The following MAGI2 variants were observed in gnomAD, a reference collection of about 807,000 sequenced individuals.
The protein encoded by MAGI2 is membrane associated guanylate kinase, WW and PDZ domain containing 2.
Under a neutral mutation model 133.3 loss-of-function variants are expected in MAGI2, and 35 were observed. That is an observed-to-expected ratio of 0.26 (90% CI 0.20 to 0.35). The LOEUF is 0.35. MAGI2 is among the 10% of genes least tolerant of loss of function. MAGI2 has a pLI of 1.00. For synonymous variants in MAGI2, 729 were observed against 710.6 expected (o/e 1.03, Z -0.41); for missense variants, 1,636 against 1,863.4 (o/e 0.88, Z 2.25).
chr7:78,973,080 T>C (rs1803929186), intron 2 of MAGI2, among the ~76,000 whole-genome samples: 1 of 151,920 alleles, frequency 6.6e-6, no homozygotes. Flanking sequence ...TTTATAATTC[T>C]AATTAAACAA....
chr7:78,708,699 C>T (rs1374899273), intron 2 of MAGI2, among the ~76,000 whole-genome samples: 1 of 152,100 alleles, frequency 6.6e-6, no homozygotes, highest in Admixed American at 6.6e-5. Context: ...ACAATAACTG[C>T]TACTTATTGA....
intron 20 of MAGI2, among the ~76,000 whole-genome samples, chr7:78,117,537 G>T (rs1819995275): frequency 6.6e-6 from 1 of 151,966 alleles, no homozygotes; most frequent in South Asian, 2.1e-4. Context: ...TTAATCTGTT[G>T]AAGGTTATCT....
chr7:78,970,631 A>G (rs186014335), intron 2 of MAGI2, among the ~76,000 whole-genome samples: 1 of 152,084 alleles, frequency 6.6e-6, no homozygotes, highest in Non-Finnish European at 1.5e-5. Context: ...GACTAAAGAA[A>G]TAGTTCATAA....
intron 20 of MAGI2, among the ~76,000 whole-genome samples, chr7:78,080,176 C>T (rs868292870): frequency 3.3e-5 from 5 of 152,148 alleles, no homozygotes; most frequent in African/African-American, 7.2e-5. Context: ...CCCCCAAAGT[C>T]GGGGGGAAGA....
chr7:79,138,268 A>T (rs946927135), intron 1 of MAGI2, among the ~76,000 whole-genome samples: 1 of 152,236 alleles, frequency 6.6e-6, no homozygotes, highest in Non-Finnish European at 1.5e-5. Context: ...AAGAACTCAT[A>T]TTCTCTGGAT....
chr7:78,866,417 G>C (rs1384913521), intron 2 of MAGI2, among the ~76,000 whole-genome samples: 2 of 151,786 alleles, frequency 1.3e-5, no homozygotes, highest in Non-Finnish European at 2.9e-5. Flanking sequence ...TATGGGCATA[G>C]ATATTTATGG....
At chr7:78,034,325 T>A (rs563091300) in intron 21 of MAGI2, among the ~76,000 whole-genome samples, 1 of 152,022 alleles carries the variant, frequency 6.6e-6, no homozygotes, top group African/African-American at 2.4e-5. Flanking sequence ...GTACTCTCAT[T>A]TAGGGGTTCA....
At chr7:78,962,806 G>T (rs1298037457) in intron 2 of MAGI2, among the ~76,000 whole-genome samples, 4 of 148,026 alleles carry the variant, frequency 2.7e-5, no homozygotes, top group African/African-American at 1.0e-4. Context: ...AGAATCATTG[G>T]TATGTGATCT....
intron 9 of MAGI2, among the ~76,000 whole-genome samples, chr7:78,284,682 G>A (rs1172243696): frequency 1.3e-5 from 2 of 152,020 alleles, no homozygotes; most frequent in Non-Finnish European, 2.9e-5. Context: ...ATTCTAACAT[G>A]AATTCTAATT....
chr7:78,955,144 A>C (rs187772946), intron 2 of MAGI2, among the ~76,000 whole-genome samples: 3 of 152,116 alleles, frequency 2.0e-5, no homozygotes. Context: ...ACTTAATGAG[A>C]CCATTTCATA....
intron 1 of MAGI2, among the ~76,000 whole-genome samples, chr7:79,378,109 A>C (rs1843504315): frequency 1.3e-5 from 2 of 151,814 alleles, no homozygotes; most frequent in Non-Finnish European, 2.9e-5. Flanking sequence ...TATTTCTCTT[A>C]GCCAGCTGTG....
At chr7:78,744,701 A>T (rs765984651) in intron 2 of MAGI2, among the ~76,000 whole-genome samples, 1 of 152,106 alleles carries the variant, frequency 6.6e-6, no homozygotes, top group African/African-American at 2.4e-5. Context: ...ACTGTTTTGG[A>T]TTAATATCAC....
intron 12 of MAGI2, among the ~76,000 whole-genome samples, chr7:78,189,798 AATG>A (rs1231508254): frequency 6.6e-6 from 1 of 152,212 alleles, no homozygotes; most frequent in Admixed American, 6.5e-5. Flanking sequence ...CCATGAGCTG[AATG>A]ATAAGACAAG....
intron 4 of MAGI2, among the ~76,000 whole-genome samples, chr7:78,504,504 A>G (rs1463819006): frequency 6.6e-5 from 10 of 152,130 alleles, no homozygotes; most frequent in Admixed American, 6.6e-4. Context: ...TAACTCAGAA[A>G]CTAGAAGGAG....
At chr7:78,441,584 G>A (rs1233651952) in intron 6 of MAGI2, among the ~76,000 whole-genome samples, 5 of 151,496 alleles carry the variant, frequency 3.3e-5, no homozygotes, top group African/African-American at 1.2e-4. Context: ...TTACCTTCCT[G>A]CTAATGTGGT....
intron 3 of MAGI2, among the ~76,000 whole-genome samples, chr7:78,579,445 G>A (rs981228745): frequency 1.8e-4 from 27 of 152,126 alleles, no homozygotes; most frequent in Admixed American, 7.9e-4. Flanking sequence ...CCTAAAAGCA[G>A]GATATAGATT....
chr7:79,008,679 T>C lies in MAGI2; in HGVS notation c.302-1473A>G, dbSNP rs1324293086. On this transcript the variant is annotated intron_variant, in intron 1 of 21. Coordinates refer to ENST00000354212, the MANE Select transcript of MAGI2 (RefSeq NM_012301.4). ...GAACATATAATTTTCCAAATTCAAA[T>C]CCATTTTCTCAGCCAAAGAAGCAGA... 1.8e-4 allele frequency: 27 copies of C among 152,096 alleles called. 1 individual carries two copies. Among genetic ancestry groups the C allele is most frequent in the Admixed American group, 1.8e-3 (27 of 15,258 alleles). The allele number at this position is 152,096 out of a possible 1,614,324, so 9.4% of individuals were successfully genotyped here.
chr7:78,144,632 C>T (rs1363720348), intron 16 of MAGI2, among the ~76,000 whole-genome samples: 1 of 152,152 alleles, frequency 6.6e-6, no homozygotes, highest in African/African-American at 2.4e-5. Context: ...TTAATTTATT[C>T]CTCTGAAGAC....
Position 78,925,862 on chromosome 7 carries a change from G to A in MAGI2, c.418+81228C>T, listed in dbSNP as rs1473389162. Among the ~76,000 whole-genome samples, 13 of 151,912 alleles carry A rather than the reference G, an allele frequency of 8.6e-5. No homozygotes were observed. The South Asian group carries it at 2.1e-3, about 24-fold the overall frequency. ...ATATTCATTAGTATAACCCATAAAA[G>A]CCAAAGCTTATTAAAGCCCTCCATA... On this transcript the variant is annotated intron_variant, in intron 2 of 21. Transcript: ENST00000354212.
Sources: allele counts gnomAD v4.1 joint callset (sites outside exome capture counted in the v4.1 genomes callset), GRCh38; gene constraint gnomAD v4.1.1; transcripts MANE v1.5; gene names NCBI Gene and HGNC (gene_info 2026-07-23, HGNC 2026-07-21).